Variants in EHMT1 observed in about 807,000 individuals in gnomAD.
EHMT1 encodes the protein euchromatic histone lysine methyltransferase 1.
EHMT1 carries 15 observed loss-of-function variants against 147.2 expected under a neutral mutation model. The observed-to-expected ratio is 0.10, with a 90% CI of 0.07 to 0.16. The LOEUF (loss-of-function observed/expected upper bound fraction) is 0.16, where lower values mean the gene tolerates loss of function less well. EHMT1 is among the 10% of genes least tolerant of loss of function. EHMT1 has a pLI of 1.00. For synonymous variants in EHMT1, 795 were observed against 709.6 expected (o/e 1.12, Z -1.91); for missense variants, 1,587 against 1,772.4 (o/e 0.90, Z 1.88).
chr9:137,833,178 T>C (rs1481598196), intron 25 of EHMT1, among the ~76,000 whole-genome samples: 2 of 152,216 alleles, frequency 1.3e-5, no homozygotes, highest in African/African-American at 4.8e-5. Flanking sequence ...CTCTGGTTAA[T>C]GTTCATGCTG....
intron 1 of EHMT1, among the ~76,000 whole-genome samples, chr9:137,696,435 A>G (rs1182704161): frequency 6.6e-6 from 1 of 152,212 alleles, no homozygotes; most frequent in African/African-American, 2.4e-5. Context: ...AAGGGAGCAA[A>G]TGGCAGATTG....
intron 25 of EHMT1, among the ~76,000 whole-genome samples, chr9:137,823,707 G>C (rs539904831): frequency 2.6e-5 from 4 of 152,204 alleles, no homozygotes; most frequent in Admixed American, 2.0e-4. Flanking sequence ...CACCACGCCC[G>C]GCCCAACGCC....
intron 4 of EHMT1, among the ~76,000 whole-genome samples, chr9:137,737,208 T>C (rs1947614456): frequency 6.6e-6 from 1 of 152,160 alleles, no homozygotes; most frequent in South Asian, 2.1e-4. Context: ...TGAGACACTG[T>C]CTTAAAAAAT....
At chr9:137,724,894 CAG>C (rs1491450517) in intron 3 of EHMT1, among the ~76,000 whole-genome samples, 1 of 143,584 alleles carries the variant, frequency 7.0e-6, no homozygotes, top group African/African-American at 2.8e-5. Context: ...ATTCGTGGGA[CAG>C]ATGTGGCATT....
chr9:137,811,649 G>A lies in EHMT1; in HGVS notation c.2867+34G>A, dbSNP rs371830517. Reference sequence around the variant, plus strand: ...AGTGCTTCCCCCAGCGCGGGCTGGCGCTGACCTGACCTGGGCGCCCAGAGA... The same window carrying A: ...AGTGCTTCCCCCAGCGCGGGCTGGCACTGACCTGACCTGGGCGCCCAGAGA... On this transcript the variant is annotated intron_variant, in intron 19 of 26. Coordinates refer to ENST00000460843, the MANE Select transcript of EHMT1 (RefSeq NM_024757.5). 1.9e-5 allele frequency: 30 copies of A among 1,598,838 alleles called. No homozygotes were observed. The East Asian group carries it at 2.0e-4, about 11-fold the overall frequency.
chr9:137,752,544 G>A (rs1328511387), intron 7 of EHMT1, 136 bp downstream of exon 7: 2 of 985,486 alleles, frequency 2.0e-6, no homozygotes, highest in Admixed American at 4.0e-5. Flanking sequence ...TCATGGTGAT[G>A]GCCACAGATG....
In EHMT1 at chr9:137,716,712, T is replaced by C. The variant is rs1945346257; in HGVS notation, c.172T>C (p.Cys58Arg). ...MAADGETNGS[C>R]ENSDASSHAN... The stretch of plus-strand genomic sequence containing the variant: ...TGCGGACGGTGAGACCAATGGGTCT[T>C]GTGAAAACAGCGATGCCAGCAGTCA... Residue 58 changes from cysteine (C) to arginine (R), a missense_variant, in exon 3 of 27, where the codon TGT becomes CGT. Transcript: ENST00000460843. 1 of 1,611,500 alleles carries C rather than the reference T, an allele frequency of 6.2e-7. No individual in the cohort carries two copies.
At chr9:137,755,496 C>G (rs775991635) in intron 8 of EHMT1, among the ~76,000 whole-genome samples, 6 of 152,222 alleles carry the variant, frequency 3.9e-5, no homozygotes, top group Non-Finnish European at 5.9e-5. Flanking sequence ...GCTTTGGGCT[C>G]TTTCCAGCCT....
intron 1 of EHMT1, among the ~76,000 whole-genome samples, chr9:137,678,917 A>G (rs1448933144): frequency 6.6e-6 from 1 of 152,164 alleles, no homozygotes; most frequent in Non-Finnish European, 1.5e-5. Flanking sequence ...AGCAGTGTGC[A>G]GCTGAAAACT....
intron 1 of EHMT1, among the ~76,000 whole-genome samples, chr9:137,659,711 C>A (rs1475627050): frequency 1.3e-5 from 2 of 151,612 alleles, no homozygotes; most frequent in Non-Finnish European, 2.9e-5. Context: ...TGATGGTCCA[C>A]CATAGTAGGC....
intron 8 of EHMT1, among the ~76,000 whole-genome samples, chr9:137,754,907 G>A (rs191502576): frequency 7.4e-4 from 112 of 152,300 alleles, no homozygotes; most frequent in African/African-American, 2.1e-3. Flanking sequence ...CAGCTCCCAC[G>A]TTGTGTGCAG....
intron 1 of EHMT1, among the ~76,000 whole-genome samples, chr9:137,698,297 T>G (rs1368862763): frequency 6.6e-6 from 1 of 152,256 alleles, no homozygotes; most frequent in East Asian, 1.9e-4. Flanking sequence ...CTGAGGTAAC[T>G]GTGATGTAGA....
chr9:137,635,270 G>C (rs1444185488), intron 1 of EHMT1, among the ~76,000 whole-genome samples: 1 of 151,590 alleles, frequency 6.6e-6, no homozygotes, highest in Non-Finnish European at 1.5e-5. Context: ...GCAGTGGCGT[G>C]ATCTCGGGTC....
chr9:137,687,908 A>G (rs1486333975), intron 1 of EHMT1, among the ~76,000 whole-genome samples: 1 of 152,246 alleles, frequency 6.6e-6, no homozygotes, highest in African/African-American at 2.4e-5. Flanking sequence ...TGATCCTTCA[A>G]CATGGGGCGT....
At chr9:137,624,923 C>A (rs1320636015) in intron 1 of EHMT1, among the ~76,000 whole-genome samples, 3 of 151,350 alleles carry the variant, frequency 2.0e-5, no homozygotes, top group Non-Finnish European at 2.9e-5. Context: ...GCTCTTTTCA[C>A]CCAGGCTGGA....
At chr9:137,696,128 T>G (rs1198827800) in intron 1 of EHMT1, among the ~76,000 whole-genome samples, 1 of 152,132 alleles carries the variant, frequency 6.6e-6, no homozygotes, top group African/African-American at 2.4e-5. Context: ...CTCCTTTTTC[T>G]GCCAAGGGAA....
chr9:137,662,242 G>T (rs117622088), intron 1 of EHMT1, among the ~76,000 whole-genome samples: 2,682 of 152,280 alleles, frequency 0.018, 38 homozygotes, highest in Non-Finnish European at 0.025. Context: ...CTGTCACCCA[G>T]GCTGGAGTAC....
At chr9:137,760,913 C>T (rs4979636) in intron 9 of EHMT1, among the ~76,000 whole-genome samples, 42,641 of 152,092 alleles carry the variant, frequency 0.28, 6,496 homozygotes, top group Admixed American at 0.41. Context: ...GAGGCTGAGG[C>T]GGGAGAATGG....
chr9:137,652,255 T>G (rs575791783), intron 1 of EHMT1, among the ~76,000 whole-genome samples: 11 of 152,044 alleles, frequency 7.2e-5, no homozygotes, highest in Non-Finnish European at 1.3e-4. Context: ...GTGTTTGTGT[T>G]TTAGTTAATT....
Sources: gnomAD v4.1 joint callset for allele counts (sites outside exome capture counted in the v4.1 genomes callset) on GRCh38, gnomAD v4.1.1 for gene constraint, MANE v1.5 for transcripts, NCBI Gene and HGNC (gene_info 2026-07-23, HGNC 2026-07-21) for gene names.